Variants in ATXN1 observed in about 807,000 individuals in gnomAD.
ATXN1 encodes the protein ataxin 1.
Under a neutral mutation model 56.4 loss-of-function variants are expected in ATXN1, and 8 were observed. That is an observed-to-expected ratio of 0.14 (90% confidence interval 0.08 to 0.26). The LOEUF is 0.26. Among genes scored for constraint, ATXN1 ranks in the 10% least tolerant of loss-of-function variants. The pLI is 1.00. For synonymous variants in ATXN1, 514 were observed against 494.6 expected (o/e 1.04, Z -0.52); for missense variants, 987 against 1,106.5 (o/e 0.89, Z 1.53).
At chr6:16,638,528 G>A (rs72825573) in intron 3 of ATXN1, among the ~76,000 whole-genome samples, 20 of 151,460 alleles carry the variant, frequency 1.3e-4, no homozygotes, top group South Asian at 4.2e-4. Flanking sequence ...CTGCAGGAGC[G>A]AGACGCCTTG....
rs1367349787 is a variant in ATXN1 at position 16,305,228 on chromosome 6, A to G, written c.*1101T>C. ...TTTTTAAATGCTTAAAGATAGTAATATATGCTCATCTTCAAAATCTAATTC... is the reference window on the plus strand; with the variant it reads ...TTTTTAAATGCTTAAAGATAGTAATGTATGCTCATCTTCAAAATCTAATTC... On this transcript the variant is annotated 3_prime_UTR_variant, in exon 8 of 8. Transcript: ENST00000436367. 4 of 152,516 alleles carry G rather than the reference A, an allele frequency of 2.6e-5. No homozygotes were observed. In the East Asian group the frequency reaches 7.7e-4, roughly 29 times the overall value. The allele number at this position is 152,516 out of a possible 1,614,324, so 9.4% of individuals were successfully genotyped here.
chr6:16,407,838 G>A (rs1011704465), intron 6 of ATXN1, among the ~76,000 whole-genome samples: 1 of 152,176 alleles, frequency 6.6e-6, no homozygotes, highest in African/African-American at 2.4e-5. Flanking sequence ...TTTGTGTGGA[G>A]GCCTGTTTGA....
At chr6:16,747,920 T>C (rs544125724) in intron 2 of ATXN1, among the ~76,000 whole-genome samples, 65 of 152,304 alleles carry the variant, frequency 4.3e-4, no homozygotes, top group African/African-American at 1.5e-3. Flanking sequence ...GTTTTATTCT[T>C]AGAGCTTGCG....
intron 2 of ATXN1, among the ~76,000 whole-genome samples, chr6:16,699,610 T>A (rs1484200142): frequency 6.6e-6 from 1 of 152,176 alleles, no homozygotes; most frequent in Admixed American, 6.5e-5. Context: ...TGAAGGACAA[T>A]GTGACTTCCA....
At chr6:16,601,746 G>A (rs545100265) in intron 3 of ATXN1, among the ~76,000 whole-genome samples, 27 of 152,184 alleles carry the variant, frequency 1.8e-4, no homozygotes, top group Middle Eastern at 3.4e-3. Flanking sequence ...CCAGCTACTC[G>A]GGAGGCTGAG....
Position 16,506,172 on chromosome 6 carries a change from G to A in ATXN1, c.-299+16455C>T, listed in dbSNP as rs923749126. ...TGGAAAAATAGAAAATATTTCTAGG[G>A]TAGCACAGAAGTTTGGCCTTTTCGC... On this transcript the variant is annotated intron_variant, in intron 5 of 7. Coordinates refer to ENST00000436367, the MANE Select transcript of ATXN1 (RefSeq NM_001128164.2). This position sits in a 1 kb window ranked among gnomAD's most constrained non-coding sequence, Gnocchi z 4.1. 4.6e-5 allele frequency among the ~76,000 whole-genome samples: 7 copies of A among 152,208 alleles called. No individual in the cohort carries two copies. The highest frequency in any genetic ancestry group is 1.7e-4 in the African/African-American group (7 of 41,448).
At chr6:16,403,806 G>A (rs1196562603) in intron 6 of ATXN1, among the ~76,000 whole-genome samples, 2 of 152,124 alleles carry the variant, frequency 1.3e-5, no homozygotes, top group Non-Finnish European at 2.9e-5. Context: ...TATAGGTTGT[G>A]GGGCTGCATG....
chr6:16,747,415 C>T (rs1017867328), intron 2 of ATXN1, among the ~76,000 whole-genome samples: 8 of 152,136 alleles, frequency 5.3e-5, no homozygotes, highest in Non-Finnish European at 1.2e-4. Flanking sequence ...GAGGGAATTA[C>T]CAAAGGGGAA....
intron 6 of ATXN1, among the ~76,000 whole-genome samples, chr6:16,388,464 G>A (rs1427171095): frequency 6.6e-6 from 1 of 152,152 alleles, no homozygotes; most frequent in Admixed American, 6.5e-5. Context: ...CCTAAGACCC[G>A]GGAAGACCAC....
At chr6:16,447,896 G>T (rs1030153949) in intron 6 of ATXN1, among the ~76,000 whole-genome samples, 2 of 152,130 alleles carry the variant, frequency 1.3e-5, no homozygotes, top group Non-Finnish European at 2.9e-5. Context: ...AGTAACTGTA[G>T]TTTCAGAAAA....
intron 6 of ATXN1, among the ~76,000 whole-genome samples, chr6:16,475,434 C>T (rs1310903870): frequency 2.0e-5 from 3 of 152,202 alleles, no homozygotes; most frequent in Non-Finnish European, 4.4e-5. Context: ...ATCATAACAG[C>T]ATCATGGCTG....
At chr6:16,664,029 G>A (rs375071827) in intron 2 of ATXN1, among the ~76,000 whole-genome samples, 4 of 152,142 alleles carry the variant, frequency 2.6e-5, no homozygotes, top group Middle Eastern at 3.2e-3. Context: ...ATGCATCACC[G>A]AAGGTATTTT....
chr6:16,553,228 G>T (rs544334861), intron 4 of ATXN1, among the ~76,000 whole-genome samples: 1 of 152,130 alleles, frequency 6.6e-6, no homozygotes, highest in African/African-American at 2.4e-5. Flanking sequence ...TGACTCAAAG[G>T]CTATCTCGAA....
intron 6 of ATXN1, among the ~76,000 whole-genome samples, chr6:16,363,180 GA>G (rs1209038208): frequency 6.6e-6 from 1 of 152,192 alleles, no homozygotes; most frequent in Non-Finnish European, 1.5e-5. Context: ...AATACAAGTG[GA>G]GAAACTTGGA....
At chr6:16,668,196 AT>A (rs1179355498) in intron 2 of ATXN1, among the ~76,000 whole-genome samples, 1 of 151,706 alleles carries the variant, frequency 6.6e-6, no homozygotes, top group Middle Eastern at 3.2e-3. Context: ...TTGTTTTCTT[AT>A]TTTTTTGTTT....
At chr6:16,583,002 C>G (rs1262393234) in intron 4 of ATXN1, among the ~76,000 whole-genome samples, 1 of 152,210 alleles carries the variant, frequency 6.6e-6, no homozygotes, top group African/African-American at 2.4e-5. Flanking sequence ...TATTTGCTAA[C>G]ACATTTGTTG....
intron 2 of ATXN1, among the ~76,000 whole-genome samples, chr6:16,698,030 G>GGAGCACC (rs1759203765): frequency 6.6e-6 from 1 of 152,172 alleles, no homozygotes; most frequent in African/African-American, 2.4e-5. Context: ...CCTATTGCCA[G>GGAGCACC]GAGCACCGGG....
intron 2 of ATXN1, among the ~76,000 whole-genome samples, chr6:16,679,449 G>A (rs1177059120): frequency 6.6e-6 from 1 of 152,158 alleles, no homozygotes; most frequent in Non-Finnish European, 1.5e-5. Flanking sequence ...GGAGAAAGGG[G>A]GGACAGAAGT....
intron 6 of ATXN1, among the ~76,000 whole-genome samples, chr6:16,454,790 T>C (rs1474563250): frequency 1.3e-5 from 2 of 152,206 alleles, no homozygotes; most frequent in Admixed American, 6.5e-5. Context: ...ATTATTATAG[T>C]AGACAGCAAA....
Sources: allele counts gnomAD v4.1 joint callset (sites outside exome capture counted in the v4.1 genomes callset), GRCh38; gene constraint gnomAD v4.1.1; non-coding constraint Gnocchi (gnomAD v3.1); transcripts MANE v1.5; gene names NCBI Gene and HGNC (gene_info 2026-07-23, HGNC 2026-07-21).